The following DPP10 variants were observed in gnomAD, a reference collection of about 807,000 sequenced individuals.
DPP10 encodes dipeptidyl peptidase like 10, also known as inactive dipeptidyl peptidase 10.
Under a neutral mutation model 120.9 loss-of-function variants are expected in DPP10, and 33 were observed. The ratio of observed to expected loss-of-function variants is 0.27; its 90% CI spans 0.21 to 0.37. The LOEUF (loss-of-function observed/expected upper bound fraction) is 0.37, where lower values mean the gene tolerates loss of function less well. DPP10 is among the 10% of genes least tolerant of loss of function. DPP10 has a pLI of 1.00. For missense variants in DPP10, 816 were observed against 942.8 expected, an observed-to-expected ratio of 0.87 and a Z score of 1.76; for synonymous variants, 337 against 326.1, an observed-to-expected ratio of 1.03 and a Z score of -0.36.
chr2:115,583,460 A>T (rs570715904), intron 5 of DPP10, among the ~76,000 whole-genome samples: 1 of 152,284 alleles, frequency 6.6e-6, no homozygotes, highest in African/African-American at 2.4e-5. Flanking sequence ...CTTGGAAAGG[A>T]TAGGACCCTC....
At chr2:115,072,864 C>A (rs58951820) in intron 1 of DPP10, among the ~76,000 whole-genome samples, 6,158 of 152,164 alleles carry the variant, frequency 0.04, 218 homozygotes, top group East Asian at 0.17. Context: ...CTCACTGCAT[C>A]CTCCATCTCC....
chr2:114,834,417 C>T (rs1376923531), intron 1 of DPP10, among the ~76,000 whole-genome samples: 3 of 151,330 alleles, frequency 2.0e-5, no homozygotes, highest in African/African-American at 4.9e-5. Context: ...TATCTACACA[C>T]CTATGTATAT....
intron 1 of DPP10, among the ~76,000 whole-genome samples, chr2:115,016,383 C>T (rs1392735178): frequency 6.6e-6 from 1 of 152,074 alleles, no homozygotes; most frequent in Non-Finnish European, 1.5e-5. Flanking sequence ...AAACATAAGA[C>T]CTAAAACCAT....
At chr2:115,601,736 C>G (rs576521613) in intron 5 of DPP10, among the ~76,000 whole-genome samples, 3 of 152,046 alleles carry the variant, frequency 2.0e-5, no homozygotes, top group Non-Finnish European at 4.4e-5. Context: ...TGCAGTGGCA[C>G]GACCTCAGCT....
chr2:114,741,495 G>A (rs1346139135), intron 1 of DPP10, among the ~76,000 whole-genome samples: 1 of 152,118 alleles, frequency 6.6e-6, no homozygotes, highest in East Asian at 1.9e-4. Flanking sequence ...TCTCATCTTG[G>A]CCTATAGGAA....
chr2:114,725,168 A>G, intron 1 of DPP10, among the ~76,000 whole-genome samples: 1 of 152,180 alleles, frequency 6.6e-6, no homozygotes, highest in African/African-American at 2.4e-5. Flanking sequence ...TGTCCCAGCC[A>G]TTGTCCTCAC....
chr2:114,597,787 C>A (rs1053956089), intron 1 of DPP10, among the ~76,000 whole-genome samples: 6 of 151,810 alleles, frequency 4.0e-5, no homozygotes, highest in African/African-American at 1.5e-4. Flanking sequence ...TTATGTTATT[C>A]CACTTTTCCA....
Position 114,834,706 on chromosome 2 carries a change from A to ACACCTATGTATATATAAGCCATGTCTACG in DPP10, c.60+391926_60+391954dup, listed in dbSNP as rs1558791288. Among the ~76,000 whole-genome samples the ACACCTATGTATATATAAGCCATGTCTACG allele has an allele frequency of 1.8e-4, 19 of 104,950 alleles. 6 individuals carry two copies. The highest frequency in any genetic ancestry group is 8.5e-4 in the African/African-American group (17 of 20,006). 68.9% of individuals were successfully genotyped at this position (104,950 alleles called of 152,430 possible). ...CTATGTATATATAAGACATATCTACACACCTATGTATATATAAGCCATGTC... is the reference window on the plus strand; with the variant it reads ...CTATGTATATATAAGACATATCTACACACCTATGTATATATAAGCCATGTCTACGCACCTATGTATATATAAGCCATGTC... On this transcript the variant is annotated intron_variant, in intron 1 of 25. Transcript: ENST00000410059.
chr2:115,353,180 C>T (rs1235876105), intron 3 of DPP10, among the ~76,000 whole-genome samples: 2 of 151,956 alleles, frequency 1.3e-5, no homozygotes, highest in Admixed American at 6.6e-5. Flanking sequence ...CGGTTGGAGT[C>T]GTCTTTATGG....
chr2:115,075,442 G>A (rs1277640598), intron 1 of DPP10, among the ~76,000 whole-genome samples: 1 of 152,174 alleles, frequency 6.6e-6, no homozygotes, highest in Admixed American at 6.5e-5. Context: ...GAAAAATGTT[G>A]AAGGTTGTCT....
intron 1 of DPP10, among the ~76,000 whole-genome samples, chr2:115,244,081 T>C (rs2058409891): frequency 6.6e-6 from 1 of 151,318 alleles, no homozygotes. Context: ...AGAAAATAAA[T>C]GCTTAGGACA....
At chr2:114,939,832 A>G (rs780914180) in intron 1 of DPP10, among the ~76,000 whole-genome samples, 3 of 152,184 alleles carry the variant, frequency 2.0e-5, no homozygotes, top group East Asian at 1.9e-4. Context: ...ATTTACAGCT[A>G]TGGCTCATAC....
chr2:114,589,385 G>A (rs1227229991), intron 1 of DPP10, among the ~76,000 whole-genome samples: 1 of 152,120 alleles, frequency 6.6e-6, no homozygotes, highest in Non-Finnish European at 1.5e-5. Context: ...TAAACCAAAT[G>A]AAGACAAACA....
chr2:114,887,058 A>C (rs1054937386), intron 1 of DPP10, among the ~76,000 whole-genome samples: 3 of 152,092 alleles, frequency 2.0e-5, no homozygotes, highest in African/African-American at 7.2e-5. Flanking sequence ...AATTTTGTCC[A>C]TTCCACCTTC....
intron 1 of DPP10, among the ~76,000 whole-genome samples, chr2:114,721,603 C>A (rs1282711111): frequency 6.6e-6 from 1 of 152,182 alleles, no homozygotes; most frequent in Non-Finnish European, 1.5e-5. Context: ...TGGTCCTTAG[C>A]TACTATCCTG....
At chr2:115,342,821 T>G (rs902988995) in intron 2 of DPP10, among the ~76,000 whole-genome samples, 5 of 152,320 alleles carry the variant, frequency 3.3e-5, no homozygotes, top group Admixed American at 3.3e-4. Flanking sequence ...TTGGCAGTTA[T>G]TTTATGGGTT....
At chr2:114,451,773 A>G (rs1365433529) in intron 1 of DPP10, among the ~76,000 whole-genome samples, 2 of 152,124 alleles carry the variant, frequency 1.3e-5, no homozygotes, top group Non-Finnish European at 2.9e-5. Context: ...CTTGGGATCT[A>G]AATTCAGGAC....
At chr2:115,538,907 G>A (rs1171652541) in intron 5 of DPP10, among the ~76,000 whole-genome samples, 1 of 151,952 alleles carries the variant, frequency 6.6e-6, no homozygotes, top group Non-Finnish European at 1.5e-5. Context: ...TATTAATTAT[G>A]TATCATATTC....
chr2:115,135,625 C>T (rs1357229380), intron 1 of DPP10, among the ~76,000 whole-genome samples: 3 of 152,114 alleles, frequency 2.0e-5, no homozygotes. Flanking sequence ...CAATGAACTT[C>T]TATTCTCTTA....
Sources: gnomAD v4.1 joint callset for allele counts (sites outside exome capture counted in the v4.1 genomes callset) on GRCh38, gnomAD v4.1.1 for gene constraint, MANE v1.5 for transcripts, NCBI Gene and HGNC (gene_info 2026-07-23, HGNC 2026-07-21) for gene names.